The following LRP1B variants were observed in gnomAD, a reference collection of about 807,000 sequenced individuals.
LRP1B encodes LDL receptor related protein 1B.
In LRP1B, 217 loss-of-function variants were observed where a neutral mutation model predicts 556.6. The ratio of observed to expected loss-of-function variants is 0.39; its 90% confidence interval spans 0.35 to 0.44. The LOEUF is 0.44. Among genes scored for constraint, LRP1B ranks in the 20% least tolerant of loss-of-function variants. The pLI, the probability that LRP1B is intolerant of heterozygous loss-of-function variation, is 1.00. For synonymous variants in LRP1B, 2,047 were observed against 1,865.8 expected (o/e 1.10, Z -2.50); for missense variants, 5,053 against 5,620.8 (o/e 0.90, Z 3.23).
intron 1 of LRP1B, among the ~76,000 whole-genome samples, chr2:141,842,537 A>T (rs182528387): frequency 6.6e-6 from 1 of 152,256 alleles, no homozygotes; most frequent in African/African-American, 2.4e-5. Context: ...TTAATGTATT[A>T]TACAAAAAAT....
chr2:141,167,894 T>C (rs1250786114), intron 7 of LRP1B, among the ~76,000 whole-genome samples: 1 of 152,034 alleles, frequency 6.6e-6, no homozygotes, highest in Non-Finnish European at 1.5e-5. Flanking sequence ...TAAGTGGCTA[T>C]GCTGGGATTC....
rs1001604897 is a variant in LRP1B at position 141,404,985 on chromosome 2, G to A, written c.343+75411C>T. ...TGGGCACCTGTAGTCCCAGCTACTC[G>A]GGAGGCTGAGGCAGGAGAATGGGGT... On this transcript the variant is annotated intron_variant, in intron 3 of 90. Coordinates refer to ENST00000389484, the MANE Select transcript of LRP1B (RefSeq NM_018557.3). Among the ~76,000 whole-genome samples the A allele has an allele frequency of 4.0e-5, 6 of 151,844 alleles. No homozygotes were observed. In the East Asian group the frequency reaches 7.7e-4, roughly 20 times the overall value.
intron 41 of LRP1B, among the ~76,000 whole-genome samples, chr2:140,694,217 C>T (rs1686346557): frequency 6.6e-6 from 1 of 152,096 alleles, no homozygotes; most frequent in South Asian, 2.1e-4. Flanking sequence ...AGATTACAGG[C>T]ATTTAAGGAC....
At chr2:141,647,520 G>A (rs1479300038) in intron 2 of LRP1B, among the ~76,000 whole-genome samples, 3 of 152,260 alleles carry the variant, frequency 2.0e-5, no homozygotes, top group Non-Finnish European at 4.4e-5. Flanking sequence ...TGATTATCGT[G>A]GTTGAGAATA....
At chr2:141,413,488 T>G (rs921520296) in intron 3 of LRP1B, among the ~76,000 whole-genome samples, 1 of 152,170 alleles carries the variant, frequency 6.6e-6, no homozygotes, top group Non-Finnish European at 1.5e-5. Context: ...CAGAAAGGAA[T>G]GCAGCCCGGC....
chr2:141,323,048 C>G (rs893844809), intron 3 of LRP1B, among the ~76,000 whole-genome samples: 8 of 152,020 alleles, frequency 5.3e-5, no homozygotes, highest in African/African-American at 1.9e-4. Context: ...ATATAAAATG[C>G]TTAGGAAAAG....
At chr2:141,418,776 C>T (rs1404844654) in intron 3 of LRP1B, among the ~76,000 whole-genome samples, 1 of 151,790 alleles carries the variant, frequency 6.6e-6, no homozygotes, top group South Asian at 2.1e-4. Flanking sequence ...GTAAAAAATG[C>T]CATTAGGATT....
intron 87 of LRP1B, among the ~76,000 whole-genome samples, chr2:140,241,581 G>T (rs528294278): frequency 3.4e-4 from 51 of 150,720 alleles, no homozygotes; most frequent in African/African-American, 1.2e-3. Flanking sequence ...GATGGCAGTT[G>T]CAATCCCATA....
rs142683978 is a variant in LRP1B at position 141,267,412 on chromosome 2, A to T, written c.344-12771T>A. 2.0e-5 allele frequency among the ~76,000 whole-genome samples: 3 copies of T among 152,320 alleles called. No individual in the cohort carries two copies. The East Asian group carries it at 5.8e-4, about 29-fold the overall frequency. On this transcript the variant is annotated intron_variant, in intron 3 of 90. Transcript: ENST00000389484. ...AAATATACTCTATAATTTCTAGAGCATCTCATAAATGCTGAGATATGAGCC... is the reference window on the plus strand; with the variant it reads ...AAATATACTCTATAATTTCTAGAGCTTCTCATAAATGCTGAGATATGAGCC...
intron 7 of LRP1B, among the ~76,000 whole-genome samples, chr2:141,180,718 AC>A (rs558811577): frequency 2.0e-5 from 3 of 152,002 alleles, no homozygotes; most frequent in Non-Finnish European, 4.4e-5. Flanking sequence ...AACCCAAAAA[AC>A]AAAACAAAAA....
chr2:141,089,550 C>T (rs78545866), intron 7 of LRP1B, among the ~76,000 whole-genome samples: 4,276 of 152,228 alleles, frequency 0.028, 183 homozygotes, highest in East Asian at 0.14. Context: ...ATAAGCTTCC[C>T]ATTCTGTAAG....
intron 3 of LRP1B, among the ~76,000 whole-genome samples, chr2:141,282,515 A>ATATGTATATGTATATGTATATGTG (rs1558979746): frequency 6.6e-6 from 1 of 151,456 alleles, no homozygotes. Context: ...ATGTATATGT[A>ATATGTATATGTATATGTATATGTG]TATCTATATA....
chr2:142,058,146 T>C (rs986944859), intron 1 of LRP1B, among the ~76,000 whole-genome samples: 3 of 152,182 alleles, frequency 2.0e-5, no homozygotes, highest in Non-Finnish European at 4.4e-5. Context: ...CATTATTTTG[T>C]TAAGATGTTG....
chr2:140,721,634 G>A (rs1429365470), intron 35 of LRP1B, among the ~76,000 whole-genome samples: 2 of 130,284 alleles, frequency 1.5e-5, no homozygotes, highest in South Asian at 2.5e-4. Context: ...TGCAAGCTCC[G>A]CCTCCCAGGT....
intron 3 of LRP1B, among the ~76,000 whole-genome samples, chr2:141,272,900 T>C (rs998013293): frequency 8.5e-5 from 13 of 152,086 alleles, no homozygotes; most frequent in African/African-American, 2.9e-4. Flanking sequence ...CTTTTAATAA[T>C]GGCAAGAACA....
At chr2:141,189,682 G>A (rs1331418786) in intron 6 of LRP1B, among the ~76,000 whole-genome samples, 1 of 151,912 alleles carries the variant, frequency 6.6e-6, no homozygotes, top group Non-Finnish European at 1.5e-5. Context: ...GTCCCATAAA[G>A]TAACCACTAG....
At chr2:141,905,763 A>AC (rs71338143) in intron 1 of LRP1B, among the ~76,000 whole-genome samples, 2 of 115,152 alleles carry the variant, frequency 1.7e-5, no homozygotes, top group Admixed American at 8.5e-5. Context: ...TGGTTTGAAT[A>AC]GATGTGTGTG....
At position 140,511,677 on chromosome 2, in the gene LRP1B, G is replaced by T. The variant is rs949443193; in HGVS notation, c.8270-1621C>A. 1.2e-4 allele frequency among the ~76,000 whole-genome samples: 10 copies of T among 86,692 alleles called. No homozygotes were observed. The Admixed American group carries it at 1.3e-3, about 11-fold the overall frequency. The allele number at this position is 86,692 out of a possible 152,430, so 56.9% of individuals were successfully genotyped here. ...AGCCTGGAGGAAAGGATGAAGAGTG[G>T]ATGTTGACAAATCCCCCCCGTAATC... On this transcript the variant is annotated intron_variant, in intron 51 of 90. Coordinates refer to ENST00000389484, the MANE Select transcript of LRP1B (RefSeq NM_018557.3).
At chr2:140,271,141 CA>C (rs1216729099) in intron 85 of LRP1B, among the ~76,000 whole-genome samples, 1 of 150,840 alleles carries the variant, frequency 6.6e-6, no homozygotes, top group Admixed American at 6.6e-5. Flanking sequence ...TGCCATGTTA[CA>C]TTTTTTTAAA....
Sources: allele counts gnomAD v4.1 joint callset (sites outside exome capture counted in the v4.1 genomes callset), GRCh38; gene constraint gnomAD v4.1.1; transcripts MANE v1.5; gene names NCBI Gene and HGNC (gene_info 2026-07-23, HGNC 2026-07-21).